Variants in CNTN4 observed in about 807,000 individuals in gnomAD.
The protein encoded by CNTN4 is contactin-4.
CNTN4 carries 77 observed loss-of-function variants against 122.5 expected under a neutral mutation model. That is an observed-to-expected ratio of 0.63 (90% CI 0.52 to 0.76). The LOEUF (loss-of-function observed/expected upper bound fraction) is 0.76, where lower values mean the gene tolerates loss of function less well. CNTN4 is among the 30% of genes least tolerant of loss of function. CNTN4 has a pLI of 0.00. For synonymous variants in CNTN4, 512 were observed against 447.0 expected (o/e 1.15, Z -1.83); for missense variants, 1,256 against 1,259.1 (o/e 1.00, Z 0.04).
rs776896596 is a variant in CNTN4 at position 3,042,428 on chromosome 3, C to CAAGACATATG, written c.2511+7_2511+16dup. On this transcript the variant is annotated splice_region_variant and intron_variant, in intron 21 of 24. Coordinates refer to ENST00000418658, the MANE Select transcript of CNTN4 (RefSeq NM_175607.3). ...GACGAATACAAGGTTATGAGGTAGG[C>CAAGACATATG]AAGACATATGTGCCTTGGGTCTGAA... The CAAGACATATG allele has an allele frequency of 2.3e-5, 36 of 1,566,412 alleles. No individual in the cohort carries two copies. Among genetic ancestry groups the CAAGACATATG allele is most frequent in the Non-Finnish European group, 3.2e-5 (36 of 1,136,512 alleles).
At chr3:2,663,850 C>T (rs75071071) in intron 4 of CNTN4, among the ~76,000 whole-genome samples, 1 of 152,078 alleles carries the variant, frequency 6.6e-6, no homozygotes, top group Non-Finnish European at 1.5e-5. Flanking sequence ...CATATTACAA[C>T]AAAGATGAAC....
chr3:2,951,768 T>C (rs190049378), intron 13 of CNTN4, among the ~76,000 whole-genome samples: 4 of 152,312 alleles, frequency 2.6e-5, no homozygotes, highest in Admixed American at 1.3e-4. Flanking sequence ...AATTCCTTTT[T>C]ACAGGTGTCA....
At chr3:2,673,758 G>T (rs2084674335) in intron 4 of CNTN4, among the ~76,000 whole-genome samples, 1 of 152,140 alleles carries the variant, frequency 6.6e-6, no homozygotes, top group African/African-American at 2.4e-5. Context: ...TAGCCAGGAT[G>T]GTCTTGATTT....
intron 4 of CNTN4, among the ~76,000 whole-genome samples, chr3:2,671,593 CA>C (rs142637033): frequency 0.01 from 1,599 of 152,296 alleles, 31 homozygotes; most frequent in African/African-American, 0.037. Context: ...CTCAACTCAT[CA>C]AAGTCATTTT....
intron 13 of CNTN4, among the ~76,000 whole-genome samples, chr3:2,955,932 T>C (rs1203173177): frequency 1.3e-5 from 2 of 152,180 alleles, no homozygotes; most frequent in African/African-American, 4.8e-5. Flanking sequence ...ATTGAACAAT[T>C]CCACTTGTAG....
intron 7 of CNTN4, among the ~76,000 whole-genome samples, chr3:2,825,956 A>G (rs1559548034): frequency 6.6e-6 from 1 of 152,162 alleles, no homozygotes; most frequent in Non-Finnish European, 1.5e-5. Context: ...TCGAACACGA[A>G]CATCTGTAGA....
intron 3 of CNTN4, among the ~76,000 whole-genome samples, chr3:2,487,329 G>T (rs979150935): frequency 6.6e-6 from 1 of 152,130 alleles, no homozygotes; most frequent in Admixed American, 6.5e-5. Context: ...AGTATGGAGG[G>T]TTATTGTTTA....
At position 2,707,817 on chromosome 3, in the gene CNTN4, T is replaced by C. The variant is rs561530353; in HGVS notation, c.56-28398T>C. ...CCTGGCTCTGTTTGATACATTTAAA[T>C]AAGTTAAAATATGTTTGAATTTTCA... is the stretch of plus-strand genomic sequence containing the variant. On this transcript the variant is annotated intron_variant, in intron 4 of 24. Coordinates refer to ENST00000418658, the MANE Select transcript of CNTN4 (RefSeq NM_175607.3). Among the ~76,000 whole-genome samples the C allele has an allele frequency of 2.0e-5, 3 of 152,206 alleles. No individual in the cohort carries two copies. In the South Asian group the frequency reaches 6.2e-4, roughly 32 times the overall value.
chr3:2,637,075 G>A (rs1305276081), intron 4 of CNTN4, among the ~76,000 whole-genome samples: 1 of 151,190 alleles, frequency 6.6e-6, no homozygotes, highest in Non-Finnish European at 1.5e-5. Flanking sequence ...CCTAGTAGCT[G>A]GATCTACAAG....
At chr3:3,050,188 C>G (rs899080404) in intron 23 of CNTN4, among the ~76,000 whole-genome samples, 8 of 152,002 alleles carry the variant, frequency 5.3e-5, no homozygotes, top group Non-Finnish European at 1.2e-4. Flanking sequence ...GACAAGCATC[C>G]AAAGCATAGC....
chr3:2,709,577 A>G lies in CNTN4; in HGVS notation c.56-26638A>G, dbSNP rs1212990288. The stretch of plus-strand genomic sequence containing the variant: ...TCCTTTCCAATTCCATAAAATGAAC[A>G]ATTTCACATATTGAAAAATGTTTTT... On this transcript the variant is annotated intron_variant, in intron 4 of 24. Coordinates refer to ENST00000418658, the MANE Select transcript of CNTN4 (RefSeq NM_175607.3). This position sits in a 1 kb window ranked among gnomAD's most constrained non-coding sequence, Gnocchi z 5.0. 6.6e-6 allele frequency among the ~76,000 whole-genome samples: 1 copy of G among 152,172 alleles called. No homozygotes were observed. The highest frequency in any genetic ancestry group is 6.5e-5 in the Admixed American group (1 of 15,276).
intron 2 of CNTN4, among the ~76,000 whole-genome samples, chr3:2,147,125 C>T (rs1017166535): frequency 6.6e-6 from 1 of 152,140 alleles, no homozygotes; most frequent in South Asian, 2.1e-4. Context: ...GTGATCCACC[C>T]ACCTTGGCCT....
chr3:2,986,130 G>A (rs1292362842), intron 13 of CNTN4, among the ~76,000 whole-genome samples: 3 of 151,882 alleles, frequency 2.0e-5, no homozygotes, highest in Non-Finnish European at 4.4e-5. Context: ...GCCCAGACTG[G>A]TCTCAAACTC....
chr3:2,579,743 G>T (rs945708182), intron 4 of CNTN4, among the ~76,000 whole-genome samples: 5 of 152,036 alleles, frequency 3.3e-5, no homozygotes, highest in African/African-American at 1.2e-4. Flanking sequence ...TTAGAACTAA[G>T]CTATTTAATA....
rs145657105 is a variant in CNTN4 at position 2,514,565 on chromosome 3, T to C, written c.-88-56851T>C. 5.2e-4 allele frequency among the ~76,000 whole-genome samples: 79 copies of C among 152,304 alleles called. 1 individual carries two copies. Among genetic ancestry groups the C allele is most frequent in the African/African-American group, 1.8e-3 (73 of 41,572 alleles). On this transcript the variant is annotated intron_variant, in intron 3 of 24. Transcript: ENST00000418658. ...ATTTTAAATGTTATCAAGCCTTAAC[T>C]GTGCATTGTCAAAGTATACACTCCA...
intron 2 of CNTN4, among the ~76,000 whole-genome samples, chr3:2,333,240 T>C (rs2043810962): frequency 6.6e-6 from 1 of 152,208 alleles, no homozygotes; most frequent in Non-Finnish European, 1.5e-5. Flanking sequence ...GTTTATCTTG[T>C]AGTCAAGACC....
At chr3:2,719,333 T>G (rs2087696429) in intron 4 of CNTN4, among the ~76,000 whole-genome samples, 1 of 151,154 alleles carries the variant, frequency 6.6e-6, no homozygotes, top group Non-Finnish European at 1.5e-5. Context: ...TCTCACTCTG[T>G]CGCCCAGGCT....
intron 14 of CNTN4, among the ~76,000 whole-genome samples, chr3:2,997,952 T>C (rs1263021465): frequency 1.3e-5 from 2 of 152,222 alleles, no homozygotes; most frequent in Non-Finnish European, 2.9e-5. Context: ...TTATTAACTT[T>C]TTCCCCTTTT....
Position 2,777,305 on chromosome 3 carries a change from C to A in CNTN4, c.358+31608C>A, listed in dbSNP as rs186638331. 9.7e-4 allele frequency among the ~76,000 whole-genome samples: 148 copies of A among 152,284 alleles called. 1 individual carries two copies. In the Middle Eastern group the frequency reaches 0.024, roughly 24 times the overall value. On this transcript the variant is annotated intron_variant, in intron 6 of 24. Coordinates refer to ENST00000418658, the MANE Select transcript of CNTN4 (RefSeq NM_175607.3). ...CCATATCTATCTCAGGTTAATTATG[C>A]TTCCCCCACTAAATTTAGTAAAGAA...
Sources: allele counts gnomAD v4.1 joint callset (sites outside exome capture counted in the v4.1 genomes callset), GRCh38; gene constraint gnomAD v4.1.1; non-coding constraint Gnocchi (gnomAD v3.1); transcripts MANE v1.5; gene names NCBI Gene and HGNC (gene_info 2026-07-23, HGNC 2026-07-21).